The following PITRM1 variants were observed in gnomAD, a reference collection of about 807,000 sequenced individuals.
PITRM1 encodes the protein pitrilysin metallopeptidase 1, also known as presequence protease, mitochondrial.
Under a neutral mutation model 129.9 loss-of-function variants are expected in PITRM1, and 100 were observed. That is an observed-to-expected ratio of 0.77 (90% CI 0.65 to 0.91). The LOEUF (loss-of-function observed/expected upper bound fraction) is 0.91. Among genes scored for constraint, PITRM1 ranks in the 40% least tolerant of loss-of-function variants. The pLI, the probability that PITRM1 is intolerant of heterozygous loss-of-function variation, is 0.00. For synonymous variants in PITRM1, 591 were observed against 508.8 expected (o/e 1.16, Z -2.17); for missense variants, 1,471 against 1,318.3 (o/e 1.12, Z -1.79).
At position 3,147,296 on chromosome 10, in the gene PITRM1, G is replaced by T; in HGVS notation, c.2236-46C>A. On this transcript the variant is annotated intron_variant, in intron 19 of 26. Transcript: ENST00000224949. Reference sequence around the variant, plus strand: ...TCAGAGAGAGGCAGAGGCTACAACAGACCCGCTGAGTCTGAACCAAGCACC... The same window carrying T: ...TCAGAGAGAGGCAGAGGCTACAACATACCCGCTGAGTCTGAACCAAGCACC... 2.9e-6 allele frequency: 4 copies of T among 1,365,476 alleles called. No homozygotes were observed. The South Asian group carries it at 3.6e-5, about 12-fold the overall frequency. The allele number at this position is 1,365,476 out of a possible 1,614,324, so 84.6% of individuals were successfully genotyped here.
intron 1 of PITRM1, 103 bp downstream of exon 1, chr10:3,172,614 C>T: frequency 9.2e-7 from 1 of 1,088,034 alleles, no homozygotes; most frequent in Non-Finnish European, 1.3e-6. Flanking sequence ...GGGGAGCTGC[C>T]AGCCCCGGGC....
At position 3,155,680 on chromosome 10, in the gene PITRM1, T is replaced by C; in HGVS notation, c.1532A>G (p.His511Arg). ...TLSMRPDDKY[H>R]EKQAQVEATK... ...GGCTTCCACCTGTGCCTGCTTCTCG[T>C]GATACTTGTCATCTGGCCTCATCGA... The change falls in exon 14 of 27, where the codon CAC becomes CGC. Residue 511 changes from histidine to arginine, a missense_variant. Coordinates refer to ENST00000224949, the MANE Select transcript of PITRM1 (RefSeq NM_014889.4). The C allele has an allele frequency of 6.2e-7, 1 of 1,613,956 alleles. No individual in the cohort carries two copies. Among genetic ancestry groups the C allele is most frequent in the South Asian group, 1.1e-5 (1 of 91,084 alleles).
intron 7 of PITRM1, among the ~76,000 whole-genome samples, chr10:3,161,869 G>C (rs1399016761): frequency 1.4e-5 from 2 of 145,160 alleles, no homozygotes; most frequent in Non-Finnish European, 3.1e-5. Context: ...AAAAAAAGAA[G>C]AAAAGAAAGA....
At chr10:3,158,855 AG>A in intron 10 of PITRM1, 58 bp downstream of exon 10, 1 of 1,536,488 alleles carries the variant, frequency 6.5e-7, no homozygotes, top group Non-Finnish European at 8.9e-7. Flanking sequence ...GCGGAGGTGG[AG>A]GAGCAAAACT....
intron 7 of PITRM1, among the ~76,000 whole-genome samples, chr10:3,160,765 GGTTT>G (rs1564424191): frequency 6.8e-6 from 1 of 147,462 alleles, no homozygotes; most frequent in East Asian, 2.0e-4. Context: ...TTTGGTGGGG[GGTTT>G]TTTTTTTTGA....
At chr10:3,141,213 C>T (rs1307887642) in intron 23 of PITRM1, among the ~76,000 whole-genome samples, 1 of 152,184 alleles carries the variant, frequency 6.6e-6, no homozygotes, top group Non-Finnish European at 1.5e-5. Context: ...AGCTTACAGG[C>T]ATGAGATTTT....
At chr10:3,144,487 T>G (rs572534495) in intron 21 of PITRM1, 121 bp from the exon 22 acceptor site, 13 of 623,560 alleles carry the variant, frequency 2.1e-5, no homozygotes, top group Admixed American at 6.0e-5. Context: ...GGTGTAAGTG[T>G]TTTAAATAAT....
intron 24 of PITRM1, among the ~76,000 whole-genome samples, chr10:3,140,322 TA>T (rs1428354617): frequency 6.6e-6 from 1 of 152,216 alleles, no homozygotes; most frequent in Non-Finnish European, 1.5e-5. Flanking sequence ...GTGTACAATT[TA>T]AAACTTAGGA....
chr10:3,153,773 T>G (rs542603302), intron 14 of PITRM1, among the ~76,000 whole-genome samples: 55 of 152,334 alleles, frequency 3.6e-4, no homozygotes, highest in African/African-American at 1.3e-3. Context: ...TCACTTACTT[T>G]CCACCTAACG....
chr10:3,172,790 T>C (rs1843518294), upstream of PITRM1: 6 of 1,502,318 alleles, frequency 4.0e-6, no homozygotes, highest in Non-Finnish European at 5.3e-6. Flanking sequence ...GACGAGCACC[T>C]GGCTGGCGAG....
chr10:3,164,814 C>T (rs1288521877), intron 6 of PITRM1, among the ~76,000 whole-genome samples: 1 of 152,176 alleles, frequency 6.6e-6, no homozygotes, highest in Non-Finnish European at 1.5e-5. Context: ...TGCTGTGTTG[C>T]CTTTTTTGCA....
rs148781123 is a variant in PITRM1, at chr10:3,148,201, G to A, written c.1962C>T (p.Pro654=). 1,762 of 1,613,944 alleles carry A rather than the reference G, an allele frequency of 1.1e-3. 7 individuals are homozygous for A. Among genetic ancestry groups the A allele is most frequent in the African/African-American group, 8.3e-3 (624 of 75,012 alleles). ...CGTAGGTGTCCATGTGTGAGTCGTCGGGGAGCACGTGGGGAGAAGCACTCA... is the reference window on the plus strand; with the variant it reads ...CGTAGGTGTCCATGTGTGAGTCGTCAGGGAGCACGTGGGGAGAAGCACTCA... ...GGMSASPHVL[P]DDSHMDTYEQ... is the part of the protein sequence containing the mutation. Residue 654 remains proline (P), a synonymous_variant, in exon 17 of 27, where the codon CCC becomes CCT. Transcript: ENST00000224949.
intron 23 of PITRM1, chr10:3,141,919 C>G (rs551682597): frequency 4.8e-6 from 1 of 209,188 alleles, no homozygotes; most frequent in South Asian, 5.8e-5. Flanking sequence ...GAGTCAGACC[C>G]TGGGGGACGG....
intron 1 of PITRM1, chr10:3,172,258 A>T (rs1193840016): frequency 2.2e-6 from 1 of 461,108 alleles, no homozygotes; most frequent in East Asian, 6.8e-5. Context: ...AAATTGAGTC[A>T]TTAAAAAAAC....
At chr10:3,168,404 C>T (rs1843051108) in intron 2 of PITRM1, among the ~76,000 whole-genome samples, 1 of 152,048 alleles carries the variant, frequency 6.6e-6, no homozygotes, top group Non-Finnish European at 1.5e-5. Flanking sequence ...AAACAAGAAT[C>T]ATGACTTATC....
chr10:3,141,055 C>A (rs1840140627), intron 23 of PITRM1, among the ~76,000 whole-genome samples: 1 of 152,032 alleles, frequency 6.6e-6, no homozygotes, highest in African/African-American at 2.4e-5. Context: ...GATCCTCCCA[C>A]AACAGCCTCC....
At position 3,138,310 on chromosome 10, in the gene PITRM1, G is replaced by A. The variant is rs755277786; in HGVS notation, c.2945C>T (p.Ser982Leu). ...TCTGTGGGCCTGCTTCATCTCATCC[G>A]AGAGGCCGTACAAGAAGTGGTCCAT... is the stretch of plus-strand genomic sequence containing the variant. ...KGMDHFLYGL[S>L]DEMKQAHREQ... The change falls in exon 26 of 27, where the codon TCG (serine) becomes TTG (leucine). Residue 982 changes from serine (S) to leucine (L), a missense_variant. By Grantham distance (145) the Ser-to-Leu change is moderately radical. Coordinates refer to ENST00000224949, the MANE Select transcript of PITRM1 (RefSeq NM_014889.4). 1.6e-5 allele frequency: 26 copies of A among 1,613,492 alleles called. No individual in the cohort carries two copies. In the South Asian group the frequency reaches 1.9e-4, roughly 12 times the overall value.
chr10:3,167,775 C>A (rs985166038), intron 2 of PITRM1: 3 of 152,130 alleles, frequency 2.0e-5, no homozygotes, highest in African/African-American at 7.2e-5. Flanking sequence ...CTAGAGTGGG[C>A]TAGCCTGCGA....
In PITRM1 at chr10:3,140,751, CT is replaced by C; in HGVS notation, c.2706del (p.Gly903AlafsTer27). The C allele has an allele frequency of 6.3e-7, 1 of 1,597,142 alleles. No homozygotes were observed. The highest frequency in any genetic ancestry group is 8.5e-7 in the Non-Finnish European group (1 of 1,171,012). On this transcript the variant is annotated frameshift_variant, in exon 24 of 27. Transcript: ENST00000224949. LOFTEE classifies it high-confidence loss of function. The part of the protein sequence containing the change: ...AKFLHTEIRE[K>X]GGAYGGGAKL... ...TTTGCGCCTCCACCATAAGCACCGC[CT>C]TTTTCTCGAATTTCTGTATGCAAGA...
Sources: allele counts gnomAD v4.1 joint callset (sites outside exome capture counted in the v4.1 genomes callset), GRCh38; gene constraint gnomAD v4.1.1; transcripts MANE v1.5; gene names NCBI Gene and HGNC (gene_info 2026-07-23, HGNC 2026-07-21).